The following DAAM1 variants were observed in gnomAD, a reference collection of about 807,000 sequenced individuals.
The protein encoded by DAAM1 is dishevelled associated activator of morphogenesis 1, also known as disheveled-associated activator of morphogenesis 1.
In DAAM1, 52 loss-of-function variants were observed where a neutral mutation model predicts 130.0. That is an observed-to-expected ratio of 0.40 (90% CI 0.32 to 0.50). DAAM1 has a LOEUF of 0.50. DAAM1 is among the 20% of genes least tolerant of loss of function. The probability of loss-of-function intolerance (pLI) is 0.61; values close to 1 mark genes in which losing one functional copy is unlikely to be tolerated. For missense variants in DAAM1, 1,134 were observed against 1,303.8 expected, an observed-to-expected ratio of 0.87 and a Z score of 2.01; for synonymous variants, 452 against 444.5, an observed-to-expected ratio of 1.02 and a Z score of -0.21.
rs560723633 is a variant in DAAM1 at position 59,343,584 on chromosome 14, G to A, written c.2075+3404G>A. ...GTTCACCACAGTGAAAGCCTGTGGC[G>A]TATTCCATGGGCTGTATTTTAATGA... On this transcript the variant is annotated intron_variant, in intron 16 of 24. Transcript: ENST00000360909. Among the ~76,000 whole-genome samples the A allele has an allele frequency of 1.7e-4, 26 of 152,340 alleles. No homozygotes were observed. The South Asian group carries it at 3.7e-3, about 22-fold the overall frequency.
intron 1 of DAAM1, among the ~76,000 whole-genome samples, chr14:59,229,733 A>G (rs759568355): frequency 2.6e-5 from 4 of 152,234 alleles, no homozygotes; most frequent in Non-Finnish European, 5.9e-5. Flanking sequence ...TTCTTGGTTG[A>G]AATTAAGTAG....
At chr14:59,330,717 G>A (rs1369144346) in intron 13 of DAAM1, 29 bp downstream of exon 13, 2 of 1,571,746 alleles carry the variant, frequency 1.3e-6, no homozygotes, top group Non-Finnish European at 1.7e-6. Flanking sequence ...CTCACGGGCA[G>A]CTGCCAAGGC....
chr14:59,285,844 A>G (rs78325064), intron 2 of DAAM1, among the ~76,000 whole-genome samples: 3,126 of 152,154 alleles, frequency 0.021, 65 homozygotes, highest in Non-Finnish European at 0.027. Context: ...ACACCCTACC[A>G]ACAGTGTTAA....
At chr14:59,255,773 C>A (rs953398859) in intron 1 of DAAM1, among the ~76,000 whole-genome samples, 1 of 152,112 alleles carries the variant, frequency 6.6e-6, no homozygotes, top group Non-Finnish European at 1.5e-5. Context: ...ATTTATAGTA[C>A]CAGAACAATG....
intron 3 of DAAM1, 103 bp from the exon 4 acceptor site, chr14:59,315,176 AG>A: frequency 1.0e-6 from 1 of 986,096 alleles, no homozygotes; most frequent in Non-Finnish European, 1.6e-6. Flanking sequence ...TGTCTTCTAA[AG>A]GCTTGAGTGG....
intron 16 of DAAM1, among the ~76,000 whole-genome samples, chr14:59,344,402 T>C (rs1885984352): frequency 6.6e-6 from 1 of 152,184 alleles, no homozygotes; most frequent in Non-Finnish European, 1.5e-5. Flanking sequence ...GTAAAGAAAG[T>C]TGGAGTAGAT....
chr14:59,250,532 G>A (rs1347588433), intron 1 of DAAM1, among the ~76,000 whole-genome samples: 1 of 152,166 alleles, frequency 6.6e-6, no homozygotes, highest in Non-Finnish European at 1.5e-5. Context: ...AGTTATTGAG[G>A]TGTATACTTA....
At chr14:59,199,056 A>G (rs1190129439) in intron 1 of DAAM1, among the ~76,000 whole-genome samples, 1 of 152,104 alleles carries the variant, frequency 6.6e-6, no homozygotes, top group Non-Finnish European at 1.5e-5. Flanking sequence ...GTGAGGGAGA[A>G]CTCCGATTTT....
chr14:59,351,311 T>G (rs1288378241), intron 17 of DAAM1, among the ~76,000 whole-genome samples: 1 of 152,172 alleles, frequency 6.6e-6, no homozygotes, highest in African/African-American at 2.4e-5. Context: ...TAATCTCTTC[T>G]AATTCTTTTT....
chr14:59,332,029 G>A, intron 15 of DAAM1, 109 bp downstream of exon 15: 1 of 938,166 alleles, frequency 1.1e-6, no homozygotes, highest in South Asian at 1.6e-5. Context: ...TGAATTCTAG[G>A]CTGTTGGATC....
chr14:59,253,871 A>G (rs1415132042), intron 1 of DAAM1, among the ~76,000 whole-genome samples: 1 of 152,112 alleles, frequency 6.6e-6, no homozygotes, highest in Admixed American at 6.5e-5. Context: ...TCCATAGTAA[A>G]CTTTGCTTCA....
intron 8 of DAAM1, 75 bp downstream of exon 8, chr14:59,324,529 G>A: frequency 2.2e-6 from 2 of 918,028 alleles, no homozygotes; most frequent in Non-Finnish European, 3.1e-6. Flanking sequence ...ATCAAGTGCT[G>A]GCCTGTGGTT....
intron 1 of DAAM1, among the ~76,000 whole-genome samples, chr14:59,221,451 AC>A (rs1356059347): frequency 6.6e-6 from 1 of 152,060 alleles, no homozygotes; most frequent in African/African-American, 2.4e-5. Context: ...CTTTCCTACT[AC>A]TCATTCTGTA....
At chr14:59,310,811 C>A (rs929225923) in intron 3 of DAAM1, among the ~76,000 whole-genome samples, 2 of 152,146 alleles carry the variant, frequency 1.3e-5, no homozygotes, top group African/African-American at 4.8e-5. Context: ...TTCGTAACAG[C>A]ACACATAGAG....
At chr14:59,360,739 C>A in intron 21 of DAAM1, 63 bp from the exon 22 acceptor site, 4 of 1,390,388 alleles carry the variant, frequency 2.9e-6, no homozygotes, top group South Asian at 2.8e-5. Flanking sequence ...ATATTTAAAC[C>A]CATCTTATAT....
Position 59,331,795 on chromosome 14 carries a change from T to C in DAAM1, c.1861-18T>C, listed in dbSNP as rs1423099679. 9 of 1,607,520 alleles carry C rather than the reference T, an allele frequency of 5.6e-6. No homozygotes were observed. The highest frequency in any genetic ancestry group is 4.4e-5 in the South Asian group (4 of 90,154). On this transcript the variant is annotated intron_variant, in intron 14 of 24. Transcript: ENST00000360909. Reference sequence around the variant, plus strand: ...GTATAACTGTAAACTATAGCACTTATTACATTGATGTTTCTAGAACAAACT... The same window carrying C: ...GTATAACTGTAAACTATAGCACTTACTACATTGATGTTTCTAGAACAAACT...
At chr14:59,280,384 A>G (rs1437986337) in intron 2 of DAAM1, among the ~76,000 whole-genome samples, 3 of 152,074 alleles carry the variant, frequency 2.0e-5, no homozygotes, top group Admixed American at 6.6e-5. Flanking sequence ...ACAGTGAGCT[A>G]TGATCACACC....
At chr14:59,324,059 A>G in intron 6 of DAAM1, 69 bp from the exon 7 acceptor site, 1 of 1,080,590 alleles carries the variant, frequency 9.3e-7, no homozygotes, top group South Asian at 3.6e-5. Flanking sequence ...ACTTTTGAGT[A>G]TAAAAAAATT....
At chr14:59,299,009 C>T (rs1313573301) in intron 3 of DAAM1, among the ~76,000 whole-genome samples, 1 of 152,166 alleles carries the variant, frequency 6.6e-6, no homozygotes. Flanking sequence ...CTCTTTGGTG[C>T]TTGGAGAATT....
Sources: allele counts gnomAD v4.1 joint callset (sites outside exome capture counted in the v4.1 genomes callset), GRCh38; gene constraint gnomAD v4.1.1; transcripts MANE v1.5; gene names NCBI Gene and HGNC (gene_info 2026-07-23, HGNC 2026-07-21).